The following RICTOR variants were observed in gnomAD, a reference collection of about 807,000 sequenced individuals.
RICTOR encodes rapamycin-insensitive companion of mTOR.
RICTOR carries 49 observed loss-of-function variants against 214.9 expected under a neutral mutation model. That is an observed-to-expected ratio of 0.23 (90% CI 0.18 to 0.29). The LOEUF is 0.29. Ranked by LOEUF, RICTOR falls within the 10% of genes least tolerant of loss-of-function variation. The pLI, the probability that RICTOR is intolerant of heterozygous loss-of-function variation, is 1.00. For synonymous variants in RICTOR, 717 were observed against 711.3 expected (o/e 1.01, Z -0.13); for missense variants, 1,625 against 2,047.0 (o/e 0.79, Z 3.98).
At chr5:39,055,360 G>A (rs1758130621) in intron 2 of RICTOR, among the ~76,000 whole-genome samples, 2 of 151,408 alleles carry the variant, frequency 1.3e-5, no homozygotes, top group Admixed American at 1.3e-4. Flanking sequence ...TCCCTTACAT[G>A]GTGCCTCCTC....
chr5:39,068,354 C>T (rs968910892), intron 2 of RICTOR, among the ~76,000 whole-genome samples: 1 of 152,192 alleles, frequency 6.6e-6, no homozygotes, highest in African/African-American at 2.4e-5. Flanking sequence ...GTGCTTTAGA[C>T]TGGCAAACTC....
chr5:38,959,787 T>G lies in RICTOR; in HGVS notation c.2043A>C (p.Val681=). The change falls in exon 21 of 38, where the codon GTA becomes GTC. Residue 681 remains valine, a synonymous_variant. Transcript: ENST00000357387. Reference sequence around the variant, plus strand: ...AATCTGGGAATGCTCACCACTGAAATACACTGCATTTTTCCAGCATTTTAA... The same window carrying G: ...AATCTGGGAATGCTCACCACTGAAAGACACTGCATTTTTCCAGCATTTTAA... The part of the protein sequence containing the change: ...HGVKMLEKCS[V]FQCLLNLCSL... 5 of 1,610,596 alleles carry G rather than the reference T, an allele frequency of 3.1e-6. No individual in the cohort carries two copies. Among genetic ancestry groups the G allele is most frequent in the Non-Finnish European group, 4.2e-6 (5 of 1,176,998 alleles).
rs1747376618 is a variant in RICTOR at position 38,940,092 on chromosome 5, TATG to T, written c.*2209_*2211del. ...CCCCAAAGTAAGTGATATAGGCAGA[TATG>T]ATAAGGTATACATACATATTTTTCA... On this transcript the variant is annotated 3_prime_UTR_variant, in exon 38 of 38. Coordinates refer to ENST00000357387, the MANE Select transcript of RICTOR (RefSeq NM_152756.5). The T allele has an allele frequency of 4.9e-6, 1 of 204,908 alleles. No homozygotes were observed. The highest frequency in any genetic ancestry group is 9.3e-6 in the Non-Finnish European group (1 of 107,148). The allele number at this position is 204,908 out of a possible 1,614,324, so 12.7% of individuals were successfully genotyped here.
intron 2 of RICTOR, among the ~76,000 whole-genome samples, chr5:39,057,121 G>C (rs995008540): frequency 1.3e-5 from 2 of 152,206 alleles, no homozygotes; most frequent in East Asian, 3.9e-4. Flanking sequence ...ATTTGAGTCC[G>C]ATTATATCTG....
chr5:38,973,648 T>C (rs897707469), intron 10 of RICTOR, among the ~76,000 whole-genome samples: 4 of 152,126 alleles, frequency 2.6e-5, no homozygotes, highest in South Asian at 2.1e-4. Context: ...AGATTCAGGA[T>C]CAAAATTCAA....
chr5:38,986,547 A>C (rs1209300093), intron 7 of RICTOR, among the ~76,000 whole-genome samples: 1 of 152,222 alleles, frequency 6.6e-6, no homozygotes, highest in Non-Finnish European at 1.5e-5. Flanking sequence ...TTATTTGTTA[A>C]ATAACAAGTT....
Position 38,968,737 on chromosome 5 carries a change from T to TAA in RICTOR, c.973-709_973-708dup, listed in dbSNP as rs1157586174. On this transcript the variant is annotated intron_variant, in intron 11 of 37. Coordinates refer to ENST00000357387, the MANE Select transcript of RICTOR (RefSeq NM_152756.5). The stretch of plus-strand genomic sequence containing the variant: ...TGGGTGACAGCAAGACCCTGCCTCT[T>TAA]AAAAAAAAAAAAAAAAAGTTAACTG... 1.0e-3 allele frequency among the ~76,000 whole-genome samples: 132 copies of TAA among 131,534 alleles called. 1 individual carries two copies. Among genetic ancestry groups the TAA allele is most frequent in the Middle Eastern group, 3.8e-3 (1 of 264 alleles). The allele number at this position is 131,534 out of a possible 152,430, so 86.3% of individuals were successfully genotyped here. A position where few individuals can be genotyped will look rare whatever the true frequency, so the allele number is the denominator to read the frequency against.
chr5:39,074,067 C>A (rs762809738), intron 2 of RICTOR, 44 bp downstream of exon 2: 36 of 1,516,534 alleles, frequency 2.4e-5, no homozygotes, highest in Non-Finnish European at 2.9e-5. Flanking sequence ...CCCGGCTCCT[C>A]CCCAGCAGCG....
chr5:38,958,448 CAGG>C lies in RICTOR; in HGVS notation c.2412_2414del (p.Leu806del), dbSNP rs1749501208. The C allele has an allele frequency of 1.2e-6, 2 of 1,600,360 alleles. No homozygotes were observed. Among genetic ancestry groups the C allele is most frequent in the Non-Finnish European group, 1.7e-6 (2 of 1,167,674 alleles). ...AAAATTTACTTAAAATTTACCTCAG[CAGG>C]AGAAGCAAACCCTTGTCTCCAAGGT... On this transcript the variant is annotated inframe_deletion, in exon 24 of 38. Transcript: ENST00000357387.
chr5:39,000,476 G>A (rs536702556), intron 5 of RICTOR, among the ~76,000 whole-genome samples: 1 of 152,006 alleles, frequency 6.6e-6, no homozygotes, highest in Admixed American at 6.5e-5. Flanking sequence ...AAATAGTGGT[G>A]TTTATTTAAA....
chr5:39,036,569 C>A (rs1359107569), intron 2 of RICTOR, among the ~76,000 whole-genome samples: 2 of 152,122 alleles, frequency 1.3e-5, no homozygotes, highest in African/African-American at 2.4e-5. Flanking sequence ...ATTCAGGAAA[C>A]CCATCTCACG....
chr5:38,961,107 C>CA (rs373078252), intron 19 of RICTOR, among the ~76,000 whole-genome samples: 7,451 of 150,114 alleles, frequency 0.05, 224 homozygotes, highest in South Asian at 0.073. Flanking sequence ...CATTTCATAC[C>CA]AAAAAAAACC....
chr5:38,982,875 TTTA>T (rs1225272756), intron 7 of RICTOR, among the ~76,000 whole-genome samples: 3 of 152,012 alleles, frequency 2.0e-5, no homozygotes, highest in Admixed American at 6.5e-5. Flanking sequence ...TTCAAAAATG[TTTA>T]TTTTTACTCT....
intron 2 of RICTOR, among the ~76,000 whole-genome samples, chr5:39,040,920 A>C (rs1195863642): frequency 6.6e-6 from 1 of 152,216 alleles, no homozygotes; most frequent in Non-Finnish European, 1.5e-5. Context: ...AGGGACATAA[A>C]TGTCTAACAG....
intron 3 of RICTOR, among the ~76,000 whole-genome samples, chr5:39,011,885 T>C (rs1211789216): frequency 6.6e-6 from 1 of 152,178 alleles, no homozygotes; most frequent in African/African-American, 2.4e-5. Flanking sequence ...TTGCCTTGTC[T>C]CCAATGAAAC....
At chr5:38,946,319 G>A in intron 33 of RICTOR, 149 bp downstream of exon 33, 1 of 599,306 alleles carries the variant, frequency 1.7e-6, no homozygotes, top group East Asian at 2.7e-5. Flanking sequence ...TTAATTTTAA[G>A]CTGACTTTAA....
At chr5:39,014,027 G>C (rs1034348359) in intron 3 of RICTOR, among the ~76,000 whole-genome samples, 1 of 152,012 alleles carries the variant, frequency 6.6e-6, no homozygotes, top group African/African-American at 2.4e-5. Flanking sequence ...TTACCATTGT[G>C]TTAAAACTGC....
intron 2 of RICTOR, among the ~76,000 whole-genome samples, chr5:39,063,157 A>G (rs1484647070): frequency 2.0e-5 from 3 of 152,162 alleles, no homozygotes; most frequent in African/African-American, 7.2e-5. Flanking sequence ...ACTACAAAAC[A>G]ATGGAAGAAA....
rs1180880225 is a variant in RICTOR, at chr5:38,967,392, C to G, written c.1096G>C (p.Asp366His). The stretch of plus-strand genomic sequence containing the variant: ...TTTGCCTCAGCTGCCACAAAGCCAT[C>G]TGAAAGCCTCCAACTGTCTTGGAAC... ...GRFQDSWRLS[D>H]GFVAAEAKTI... Residue 366 changes from aspartate to histidine, a missense_variant, in exon 13 of 38, where the codon GAT becomes CAT. Asp to His is a moderately conservative substitution (Grantham distance 81). Coordinates refer to ENST00000357387, the MANE Select transcript of RICTOR (RefSeq NM_152756.5). 1 of 1,613,920 alleles carries G rather than the reference C, an allele frequency of 6.2e-7. No homozygotes were observed. The highest frequency in any genetic ancestry group is 8.5e-7 in the Non-Finnish European group (1 of 1,179,872).
Sources: gnomAD v4.1 joint callset for allele counts (sites outside exome capture counted in the v4.1 genomes callset) on GRCh38, gnomAD v4.1.1 for gene constraint, MANE v1.5 for transcripts, NCBI Gene and HGNC (gene_info 2026-07-23, HGNC 2026-07-21) for gene names.